The following PLEKHA5 variants were observed in gnomAD, a reference collection of about 807,000 sequenced individuals.
PLEKHA5 encodes the protein pleckstrin homology domain-containing family A member 5.
PLEKHA5 carries 55 observed loss-of-function variants against 181.9 expected under a neutral mutation model. The ratio of observed to expected loss-of-function variants is 0.30; its 90% confidence interval spans 0.24 to 0.38. The LOEUF (loss-of-function observed/expected upper bound fraction) is 0.38, where lower values mean the gene tolerates loss of function less well. Among genes scored for constraint, PLEKHA5 ranks in the 10% least tolerant of loss-of-function variants. The probability of loss-of-function intolerance (pLI) is 1.00; values close to 1 mark genes in which losing one functional copy is unlikely to be tolerated. For missense variants in PLEKHA5, 1,432 were observed against 1,549.5 expected (o/e 0.92, Z 1.27); for synonymous variants, 535 against 529.4 (o/e 1.01, Z -0.15).
chr12:19,190,026 C>T (rs745966797), intron 3 of PLEKHA5, among the ~76,000 whole-genome samples: 2 of 152,142 alleles, frequency 1.3e-5, no homozygotes, highest in Admixed American at 6.6e-5. Flanking sequence ...CTGCTTACAA[C>T]GTGCGCTTCT....
intron 3 of PLEKHA5, among the ~76,000 whole-genome samples, chr12:19,230,261 C>T (rs1279711370): frequency 1.3e-5 from 2 of 152,228 alleles, no homozygotes; most frequent in Non-Finnish European, 2.9e-5. Context: ...TAGAGGTTCT[C>T]CAAGTCCCCA....
At chr12:19,183,566 G>C (rs10841173) in intron 3 of PLEKHA5, among the ~76,000 whole-genome samples, 83,725 of 152,032 alleles carry the variant, frequency 0.55, 26,935 homozygotes, top group Non-Finnish European at 0.74. Flanking sequence ...AATGTTAAGA[G>C]GCATGTCACT....
chr12:19,187,319 A>G (rs2050092949), intron 3 of PLEKHA5, among the ~76,000 whole-genome samples: 2 of 152,212 alleles, frequency 1.3e-5, no homozygotes, highest in African/African-American at 4.8e-5. Flanking sequence ...GTCTTAGTCA[A>G]CAGTAAGTAT....
At chr12:19,192,832 G>A (rs912802155) in intron 3 of PLEKHA5, among the ~76,000 whole-genome samples, 2 of 152,316 alleles carry the variant, frequency 1.3e-5, no homozygotes, top group African/African-American at 4.8e-5. Context: ...GGAGTGATGA[G>A]ACTATCATAG....
chr12:19,301,592 A>G (rs943248765), intron 15 of PLEKHA5, among the ~76,000 whole-genome samples: 3 of 152,212 alleles, frequency 2.0e-5, no homozygotes, highest in Admixed American at 6.5e-5. Flanking sequence ...TTTGCTTTCA[A>G]ATATACCACA....
intron 21 of PLEKHA5, 69 bp from the exon 22 acceptor site, chr12:19,343,243 TTATATAATTAA>T: frequency 2.8e-6 from 2 of 716,288 alleles, no homozygotes; most frequent in South Asian, 5.0e-5. Context: ...TAGATGTAAT[TTATATAATTAA>T]TATATAATCA....
At chr12:19,272,464 C>T (rs1031941141) in intron 10 of PLEKHA5, among the ~76,000 whole-genome samples, 2 of 152,080 alleles carry the variant, frequency 1.3e-5, no homozygotes. Flanking sequence ...TTAGGCTGAG[C>T]ACGGTGGCTC....
intron 3 of PLEKHA5, among the ~76,000 whole-genome samples, chr12:19,144,942 T>C (rs1453586409): frequency 6.6e-6 from 1 of 152,228 alleles, no homozygotes; most frequent in Non-Finnish European, 1.5e-5. Flanking sequence ...CAGTTTCACA[T>C]TGACAGTTAA....
chr12:19,146,978 A>G (rs991401064), intron 3 of PLEKHA5: 2 of 152,230 alleles, frequency 1.3e-5, no homozygotes, highest in Non-Finnish European at 2.9e-5. Context: ...GTTAATTTAT[A>G]TGAACAAACT....
intron 26 of PLEKHA5, among the ~76,000 whole-genome samples, chr12:19,354,470 TAAAAA>T (rs77223013): frequency 0.042 from 5,518 of 132,898 alleles, 220 homozygotes; most frequent in East Asian, 0.2. Context: ...TAGTTATTCT[TAAAAA>T]AAAAAAATTG....
rs3056412 is a variant in PLEKHA5 at position 19,197,676 on chromosome 12, C to CTGTGTGTGTG, written c.228-56216_228-56207dup. 5.1e-4 allele frequency among the ~76,000 whole-genome samples: 57 copies of CTGTGTGTGTG among 111,022 alleles called. 1 individual carries two copies. The highest frequency in any genetic ancestry group is 8.9e-4 in the East Asian group (3 of 3,386). 72.8% of individuals were successfully genotyped at this position (111,022 alleles called of 152,430 possible). Reference sequence around the variant, plus strand: ...TTGAAGTCACAGAGTCTATCCGGTGCTGTGTGTGTGTGTGTGTGTGTGTGT... The same window carrying CTGTGTGTGTG: ...TTGAAGTCACAGAGTCTATCCGGTGCTGTGTGTGTGTGTGTGTGTGTGTGTGTGTGTGTGT... On this transcript the variant is annotated intron_variant, in intron 3 of 31. Transcript: ENST00000429027.
chr12:19,227,057 A>G (rs772791060), intron 3 of PLEKHA5, among the ~76,000 whole-genome samples: 59 of 152,278 alleles, frequency 3.9e-4, no homozygotes, highest in Non-Finnish European at 7.2e-4. Context: ...ATTATGCAGA[A>G]CTTAAAGTTT....
intron 3 of PLEKHA5, among the ~76,000 whole-genome samples, chr12:19,222,586 A>C (rs995629639): frequency 2.0e-5 from 3 of 152,196 alleles, no homozygotes; most frequent in African/African-American, 7.2e-5. Context: ...GCAATCAATT[A>C]ATAATATATA....
intron 3 of PLEKHA5, chr12:19,150,429 T>C (rs1340027709): frequency 6.6e-6 from 1 of 152,204 alleles, no homozygotes; most frequent in Non-Finnish European, 1.5e-5. Context: ...GACCAAGCAC[T>C]TGCTGTCATG....
chr12:19,363,548 G>A (rs1000247149), intron 29 of PLEKHA5, among the ~76,000 whole-genome samples: 6 of 150,630 alleles, frequency 4.0e-5, no homozygotes, highest in Admixed American at 4.0e-4. Context: ...CTGGAGTGCA[G>A]TAGTGCAATC....
intron 7 of PLEKHA5, among the ~76,000 whole-genome samples, chr12:19,263,109 C>A (rs1414307863): frequency 6.6e-6 from 1 of 151,848 alleles, no homozygotes; most frequent in Non-Finnish European, 1.5e-5. Context: ...ACTATTTTAT[C>A]AATAAGAAAT....
rs369517558 is a variant in PLEKHA5, at chr12:19,286,970, AC to A, written c.1780-502del. Among the ~76,000 whole-genome samples the A allele has an allele frequency of 2.8e-3, 411 of 145,728 alleles. 31 individuals are homozygous for A. The highest frequency in any genetic ancestry group is 7.5e-3 in the Middle Eastern group (2 of 268). On this transcript the variant is annotated intron_variant, in intron 12 of 31. Coordinates refer to ENST00000429027, the MANE Select transcript of PLEKHA5 (RefSeq NM_001256470.2). The stretch of plus-strand genomic sequence containing the variant: ...ACAGAGTGAGACTCTGCTTCAAAAA[AC>A]AAAAAAAAAAAGAATTACTCTGCTC...
chr12:19,304,198 C>T (rs1405324678), intron 15 of PLEKHA5, among the ~76,000 whole-genome samples: 1 of 152,050 alleles, frequency 6.6e-6, no homozygotes, highest in African/African-American at 2.4e-5. Context: ...TGAGGTCAGG[C>T]GTTCAAGACC....
At chr12:19,340,014 T>G (rs369097742) in intron 21 of PLEKHA5, among the ~76,000 whole-genome samples, 213 of 152,112 alleles carry the variant, frequency 1.4e-3, no homozygotes, top group Middle Eastern at 3.4e-3. Flanking sequence ...AGGCCATGAA[T>G]ATCCACAAAG....
Sources: gnomAD v4.1 joint callset for allele counts (sites outside exome capture counted in the v4.1 genomes callset) on GRCh38, gnomAD v4.1.1 for gene constraint, MANE v1.5 for transcripts, NCBI Gene and HGNC (gene_info 2026-07-23, HGNC 2026-07-21) for gene names.